Variants in FREM1 observed in about 807,000 individuals in gnomAD.
The protein encoded by FREM1 is FRAS1 related extracellular matrix 1.
Under a neutral mutation model 210.1 loss-of-function variants are expected in FREM1, and 220 were observed. The ratio of observed to expected loss-of-function variants is 1.05; its 90% confidence interval spans 0.94 to 1.17. The LOEUF (loss-of-function observed/expected upper bound fraction) is 1.17, where lower values mean the gene tolerates loss of function less well. Among genes scored for constraint, FREM1 ranks in the 50% most tolerant of loss-of-function variants. The pLI is 0.00. For synonymous variants in FREM1, 1,189 were observed against 980.2 expected (o/e 1.21, Z -3.98); for missense variants, 3,454 against 2,675.5 (o/e 1.29, Z -6.42).
chr9:14,806,814 T>C lies in FREM1; in HGVS notation c.3121A>G (p.Thr1041Ala), dbSNP rs776327484. The change falls in exon 18 of 37, where the codon ACA becomes GCA. Residue 1041 changes from threonine to alanine, a missense_variant. Thr to Ala is a moderately conservative substitution (Grantham distance 58, BLOSUM62 0). Transcript: ENST00000380880. ...GACAAATGGTTAACAGTAAGGGCTG[T>C]TGAGCAGCCCTCATCTACAACAAAC... ...PVFVVDEGCS[T>A]ALTVNHLSAT... 1 of 1,605,900 alleles carries C rather than the reference T, an allele frequency of 6.2e-7. No homozygotes were observed. Among genetic ancestry groups the C allele is most frequent in the South Asian group, 1.1e-5 (1 of 89,334 alleles).
At position 14,842,623 on chromosome 9, in the gene FREM1, C is replaced by G. The variant is rs1338702824; in HGVS notation, c.1431G>C (p.Gln477His). The G allele has an allele frequency of 6.2e-7, 1 of 1,613,738 alleles. No homozygotes were observed. Among genetic ancestry groups the G allele is most frequent in the Non-Finnish European group, 8.5e-7 (1 of 1,179,832 alleles). The change falls in exon 9 of 37, where the codon CAG becomes CAC. Residue 477 changes from glutamine to histidine, a missense_variant. Gln to His is a conservative substitution (Grantham distance 24). Coordinates refer to ENST00000380880, the MANE Select transcript of FREM1 (RefSeq NM_001379081.2). ...KGFLFTVADL[Q>H]AGVVRYHHDD... ...CATGATGATAGCGAACAACTCCAGCCTGGAGGTCAGCCACGGTGAAGAGAA... is the reference window on the plus strand; with the variant it reads ...CATGATGATAGCGAACAACTCCAGCGTGGAGGTCAGCCACGGTGAAGAGAA...
intron 3 of FREM1, among the ~76,000 whole-genome samples, chr9:14,860,086 G>A (rs1412759972): frequency 6.6e-6 from 1 of 152,084 alleles, no homozygotes; most frequent in Non-Finnish European, 1.5e-5. Context: ...ATTAATGAGT[G>A]ATATGCATGC....
intron 1 of FREM1, among the ~76,000 whole-genome samples, chr9:14,872,215 G>A (rs1238708639): frequency 6.6e-6 from 1 of 152,092 alleles, no homozygotes; most frequent in Non-Finnish European, 1.5e-5. Context: ...AAAATCATTG[G>A]TAGCTTGATG....
In FREM1 at chr9:14,747,052, C is replaced by T. The variant is rs566175340; in HGVS notation, c.6010-1G>A. 1 of 1,613,058 alleles carries T rather than the reference C, an allele frequency of 6.2e-7. No individual in the cohort carries two copies. The highest frequency in any genetic ancestry group is 1.7e-5 in the Admixed American group (1 of 59,828). ...TCTTTGGAAATGAGGGCAACTGGTC[C>T]TTTGGGAAGGAAAGGCAATTTAGCA... On this transcript the variant is annotated splice_acceptor_variant, in intron 33 of 36. Transcript: ENST00000380880. LOFTEE classifies it high-confidence loss of function.
chr9:14,833,946 G>A (rs1370426639), intron 10 of FREM1, among the ~76,000 whole-genome samples: 2 of 152,106 alleles, frequency 1.3e-5, no homozygotes, highest in African/African-American at 2.4e-5. Flanking sequence ...GGGGCAGTTG[G>A]GGGGGATCCT....
intron 13 of FREM1, 134 bp downstream of exon 13, chr9:14,823,026 A>C (rs1821665069): frequency 9.2e-6 from 5 of 543,082 alleles, no homozygotes; most frequent in Admixed American, 3.8e-5. Flanking sequence ...TCTTTTTTTT[A>C]CTACACCATA....
intron 1 of FREM1, among the ~76,000 whole-genome samples, chr9:14,896,800 T>A (rs1372410637): frequency 6.6e-6 from 1 of 152,212 alleles, no homozygotes; most frequent in African/African-American, 2.4e-5. Flanking sequence ...CTCACCAGTA[T>A]ACACTTAAAG....
At chr9:14,789,791 T>C (rs1003254010) in intron 22 of FREM1, among the ~76,000 whole-genome samples, 31 of 152,178 alleles carry the variant, frequency 2.0e-4, no homozygotes, top group African/African-American at 7.2e-4. Context: ...GATGCAGAAA[T>C]TGTGGCATTT....
Position 14,792,794 on chromosome 9 carries a change from C to A in FREM1, c.3930G>T (p.Lys1310Asn), listed in dbSNP as rs570210829. 9.3e-6 allele frequency: 15 copies of A among 1,606,338 alleles called. No homozygotes were observed. The highest frequency in any genetic ancestry group is 8.5e-7 in the Non-Finnish European group (1 of 1,175,390). ...SAIDEDSPREKIYYVFERLPQ... is the reference protein window; with the variant it reads ...SAIDEDSPRENIYYVFERLPQ... ...GAAGCCTTTCAAATACATAGTAAAT[C>A]TTCTCCCTGGGTGAGTCTTCATCTA... Residue 1310 changes from lysine (K) to asparagine (N), a missense_variant, in exon 22 of 37, where the codon AAG becomes AAT. By Grantham distance (94) the Lys-to-Asn change is moderately conservative. Coordinates refer to ENST00000380880, the MANE Select transcript of FREM1 (RefSeq NM_001379081.2).
intron 27 of FREM1, among the ~76,000 whole-genome samples, chr9:14,769,228 T>A (rs1198774587): frequency 6.6e-6 from 1 of 152,198 alleles, no homozygotes; most frequent in African/African-American, 2.4e-5. Context: ...ATGGGATAAG[T>A]TTATCACCTT....
At chr9:14,790,801 C>T (rs934854445) in intron 22 of FREM1, 16 of 152,254 alleles carry the variant, frequency 1.1e-4, no homozygotes, top group Non-Finnish European at 5.9e-5. Flanking sequence ...TGGAGCCATA[C>T]TGGGAACCTG....
chr9:14,819,204 G>T (rs777000471), intron 14 of FREM1, 30 bp downstream of exon 14: 24 of 1,496,228 alleles, frequency 1.6e-5, no homozygotes, highest in African/African-American at 8.4e-5. Context: ...ACTAAAGCAT[G>T]TAAATAAAAA....
In FREM1 at chr9:14,868,925, A is replaced by G. The variant is rs769928567; in HGVS notation, c.53T>C (p.Leu18Pro). ...GATGAAGGTGGGGCTGGCCCAGGCC[A>G]GGAGGAGCAGCAGCAGCACGGCATT... ...AANAVLLLLL[L>P]AWASPTFISI... The change falls in exon 2 of 37, where the codon CTG becomes CCG. Residue 18 changes from leucine to proline, a missense_variant. Physicochemically the swap from Leu to Pro is moderately conservative, Grantham distance 98. Transcript: ENST00000380880. 1.9e-6 allele frequency: 3 copies of G among 1,603,132 alleles called. No homozygotes were observed. In the Admixed American group the frequency reaches 5.1e-5, roughly 27 times the overall value.
intron 24 of FREM1, among the ~76,000 whole-genome samples, chr9:14,777,053 A>C (rs142622771): frequency 4.7e-4 from 72 of 152,246 alleles, no homozygotes; most frequent in African/African-American, 1.6e-3. Context: ...CCCTGCACCC[A>C]CTACTCTTGC....
chr9:14,859,799 T>C (rs1395432509), intron 3 of FREM1, among the ~76,000 whole-genome samples: 1 of 152,212 alleles, frequency 6.6e-6, no homozygotes, highest in Non-Finnish European at 1.5e-5. Context: ...ATGTGTAATT[T>C]AAGAGTCTCA....
chr9:14,792,280 A>G (rs1588006931), intron 22 of FREM1, among the ~76,000 whole-genome samples: 1 of 139,580 alleles, frequency 7.2e-6, no homozygotes, highest in Non-Finnish European at 1.6e-5. Context: ...ACGCACACAC[A>G]CACACACACA....
intron 28 of FREM1, among the ~76,000 whole-genome samples, chr9:14,759,406 A>G (rs1275329670): frequency 1.3e-5 from 2 of 148,880 alleles, no homozygotes; most frequent in African/African-American, 5.0e-5. Context: ...GCTACTCGGG[A>G]GCCTGAGGCA....
chr9:14,885,046 C>T (rs552813389), intron 1 of FREM1, among the ~76,000 whole-genome samples: 7,605 of 119,834 alleles, frequency 0.063, 1,071 homozygotes, highest in African/African-American at 0.24. Context: ...TGCCTCAGCC[C>T]CCCGAGTGGC....
At chr9:14,761,969 T>C (rs1412649598) in intron 27 of FREM1, among the ~76,000 whole-genome samples, 2 of 152,224 alleles carry the variant, frequency 1.3e-5, no homozygotes, top group Non-Finnish European at 2.9e-5. Context: ...CATTAAACTT[T>C]ATCCTAGCAA....
Sources: gnomAD v4.1 joint callset for allele counts (sites outside exome capture counted in the v4.1 genomes callset) on GRCh38, gnomAD v4.1.1 for gene constraint, MANE v1.5 for transcripts, NCBI Gene and HGNC (gene_info 2026-07-23, HGNC 2026-07-21) for gene names.